The following NDST3 variants were observed in gnomAD, a reference collection of about 807,000 sequenced individuals.
NDST3 encodes bifunctional heparan sulfate N-deacetylase/N-sulfotransferase 3.
Under a neutral mutation model 96.1 loss-of-function variants are expected in NDST3, and 58 were observed. The ratio of observed to expected loss-of-function variants is 0.60; its 90% CI spans 0.49 to 0.75. The LOEUF (loss-of-function observed/expected upper bound fraction) is 0.75. NDST3 is among the 30% of genes least tolerant of loss of function. NDST3 has a pLI of 0.00. For synonymous variants in NDST3, 333 were observed against 359.7 expected, an observed-to-expected ratio of 0.93 and a Z score of 0.84; for missense variants, 788 against 1,034.2, an observed-to-expected ratio of 0.76 and a Z score of 3.27.
chr4:118,202,759 A>C (rs1040194932), intron 6 of NDST3, among the ~76,000 whole-genome samples: 2 of 152,332 alleles, frequency 1.3e-5, no homozygotes, highest in South Asian at 4.1e-4. Flanking sequence ...TGTTATCAGC[A>C]AACAGGGAGA....
At position 118,240,591 on chromosome 4, in the gene NDST3, C is replaced by A; in HGVS notation, c.2186C>A (p.Pro729His). The A allele has an allele frequency of 1.9e-6, 3 of 1,613,812 alleles. No individual in the cohort carries two copies. In the East Asian group the frequency reaches 6.7e-5, roughly 36 times the overall value. ...FSFYEVISAG[P>H]RAPSELRALQ... is the part of the protein sequence containing the mutation. The stretch of plus-strand genomic sequence containing the variant: ...TTCTACGAAGTGATCTCAGCAGGGC[C>A]CCGTGCACCCTCGGAGCTCAGAGCC... Residue 729 changes from proline (P) to histidine (H), a missense_variant, in exon 11 of 14, where the codon CCC becomes CAC. By Grantham distance (77) the Pro-to-His change is moderately conservative (BLOSUM62 -2). Coordinates refer to ENST00000296499, the MANE Select transcript of NDST3 (RefSeq NM_004784.3).
At chr4:118,237,949 AG>A (rs1740748622) in intron 10 of NDST3, among the ~76,000 whole-genome samples, 2 of 152,112 alleles carry the variant, frequency 1.3e-5, no homozygotes, top group South Asian at 4.1e-4. Context: ...TGGGCAACAT[AG>A]GGAGACTCTG....
chr4:118,204,805 A>G (rs1380552129), intron 6 of NDST3, among the ~76,000 whole-genome samples: 1 of 144,596 alleles, frequency 6.9e-6, no homozygotes, highest in Non-Finnish European at 1.5e-5. Flanking sequence ...AGTGGTTATT[A>G]AATAATATTT....
At chr4:118,063,589 C>G (rs1255976852) in intron 2 of NDST3, among the ~76,000 whole-genome samples, 5 of 152,168 alleles carry the variant, frequency 3.3e-5, no homozygotes, top group Admixed American at 6.6e-5. Flanking sequence ...TTTTTTGTAT[C>G]TCTATGCTGG....
intron 3 of NDST3, among the ~76,000 whole-genome samples, chr4:118,107,566 A>G (rs1375403621): frequency 6.6e-6 from 1 of 152,178 alleles, no homozygotes; most frequent in Non-Finnish European, 1.5e-5. Flanking sequence ...TAAAGAAGAT[A>G]AAAGCTATAC....
intron 6 of NDST3, among the ~76,000 whole-genome samples, chr4:118,201,902 G>T (rs1738114012): frequency 6.6e-6 from 1 of 152,060 alleles, no homozygotes; most frequent in South Asian, 2.1e-4. Context: ...TGTCTTCCAG[G>T]ATCTTTACAG....
chr4:118,090,213 A>C (rs2125829601), intron 2 of NDST3, among the ~76,000 whole-genome samples: 1 of 152,102 alleles, frequency 6.6e-6, no homozygotes, highest in South Asian at 2.1e-4. Flanking sequence ...CAGAGCTTGG[A>C]AGGCATTGAG....
In NDST3 at chr4:118,054,517, C is replaced by G. The variant is rs1300456889; in HGVS notation, c.607C>G (p.Arg203Gly). 22 of 1,613,114 alleles carry G rather than the reference C, an allele frequency of 1.4e-5. No individual in the cohort carries two copies. The highest frequency in any genetic ancestry group is 1.9e-5 in the Non-Finnish European group (22 of 1,179,452). The change falls in exon 2 of 14, where the codon CGT becomes GGT. Residue 203 changes from arginine (R) to glycine (G), a missense_variant. Transcript: ENST00000296499. ...TATTAATCCTCATTCTCCATTGATTCGTGTGACCAAATCTTCCAAGCTTGA... is the reference window on the plus strand; with the variant it reads ...TATTAATCCTCATTCTCCATTGATTGGTGTGACCAAATCTTCCAAGCTTGA... Reference protein sequence around the residue: ...CCINPHSPLIRVTKSSKLEKG... With the variant: ...CCINPHSPLIGVTKSSKLEKG...
intron 4 of NDST3, among the ~76,000 whole-genome samples, chr4:118,123,547 C>T (rs1303984262): frequency 6.6e-6 from 1 of 152,094 alleles, no homozygotes; most frequent in African/African-American, 2.4e-5. Context: ...AGGCTTCATA[C>T]ATTCATTTTT....
chr4:118,121,063 C>T (rs544257294), intron 4 of NDST3, among the ~76,000 whole-genome samples: 10 of 152,206 alleles, frequency 6.6e-5, no homozygotes, highest in African/African-American at 2.4e-4. Context: ...ACAATTGTCC[C>T]TTTAATATTC....
chr4:118,217,713 A>C (rs934341051), intron 6 of NDST3, among the ~76,000 whole-genome samples: 3 of 152,066 alleles, frequency 2.0e-5, no homozygotes, highest in African/African-American at 7.2e-5. Context: ...ACGTCATGAA[A>C]TAAAGCAAAA....
chr4:118,065,112 A>C lies in NDST3; in HGVS notation c.981+10221A>C, dbSNP rs558101327. Among the ~76,000 whole-genome samples the C allele has an allele frequency of 3.7e-4, 57 of 152,226 alleles. 1 individual carries two copies. The South Asian group carries it at 0.012, about 32-fold the overall frequency. ...CTTTTGCCATGTAATGTTCACATTC[A>C]CAGGTTCCAGGGATTAGGACATGGA... On this transcript the variant is annotated intron_variant, in intron 2 of 13. Coordinates refer to ENST00000296499, the MANE Select transcript of NDST3 (RefSeq NM_004784.3).
intron 9 of NDST3, among the ~76,000 whole-genome samples, chr4:118,233,647 T>G (rs955388781): frequency 1.3e-5 from 2 of 152,178 alleles, no homozygotes; most frequent in Admixed American, 1.3e-4. Flanking sequence ...AATTCTTGCC[T>G]TTGAATCAAA....
chr4:118,137,949 G>C (rs769084676), intron 4 of NDST3, 105 bp from the exon 5 acceptor site: 4 of 930,168 alleles, frequency 4.3e-6, no homozygotes, highest in Non-Finnish European at 6.2e-6. Context: ...ATTAAGTAAT[G>C]ATGCATTTAA....
rs555941369 is a variant in NDST3 at position 118,143,237 on chromosome 4, CT to C, written c.1411-310del. On this transcript the variant is annotated intron_variant, in intron 5 of 13. Coordinates refer to ENST00000296499, the MANE Select transcript of NDST3 (RefSeq NM_004784.3). ...TTTTTTTAAAGTCTCATTTTTACTT[CT>C]TTTTTTTTAATCTCTTAAGATGCTA... Among the ~76,000 whole-genome samples, 731 of 151,304 alleles carry C rather than the reference CT, an allele frequency of 4.8e-3. 6 individuals are homozygous for C. Among genetic ancestry groups the C allele is most frequent in the African/African-American group, 0.017 (698 of 41,294 alleles).
At chr4:118,133,042 G>A (rs190284541) in intron 4 of NDST3, among the ~76,000 whole-genome samples, 9 of 152,228 alleles carry the variant, frequency 5.9e-5, no homozygotes, top group East Asian at 1.9e-4. Context: ...GAGGAGTGGC[G>A]CAAGCAATCC....
intron 1 of NDST3, among the ~76,000 whole-genome samples, chr4:118,045,391 T>C (rs1343360020): frequency 6.6e-6 from 1 of 152,210 alleles, no homozygotes; most frequent in Non-Finnish European, 1.5e-5. Flanking sequence ...TGTCACTATC[T>C]CTGCTTTATA....
At chr4:118,238,667 G>A (rs1740836632) in intron 10 of NDST3, among the ~76,000 whole-genome samples, 1 of 152,182 alleles carries the variant, frequency 6.6e-6, no homozygotes, top group African/African-American at 2.4e-5. Context: ...TGTTCTAAGT[G>A]TGATTTGAAA....
At chr4:118,194,100 C>T (rs996009233) in intron 6 of NDST3, 18 of 1,367,544 alleles carry the variant, frequency 1.3e-5, no homozygotes, top group Admixed American at 8.4e-5. Context: ...CTAACACTGC[C>T]AAAAGCATAG....
Sources: allele counts gnomAD v4.1 joint callset (sites outside exome capture counted in the v4.1 genomes callset), GRCh38; gene constraint gnomAD v4.1.1; transcripts MANE v1.5; gene names NCBI Gene and HGNC (gene_info 2026-07-23, HGNC 2026-07-21).